Variants in LYRM4 observed in about 807,000 individuals in gnomAD.
The protein encoded by LYRM4 is LYR motif-containing protein 4.
In LYRM4, 9 loss-of-function variants were observed where a neutral mutation model predicts 11.7. The observed-to-expected ratio is 0.77, with a 90% CI of 0.46 to 1.34. The LOEUF is 1.34. LYRM4 is among the 40% of genes most tolerant of loss of function. LYRM4 has a pLI of 0.00. For synonymous variants in LYRM4, 42 were observed against 40.4 expected, an observed-to-expected ratio of 1.04 and a Z score of -0.15; for missense variants, 133 against 112.5, an observed-to-expected ratio of 1.18 and a Z score of -0.82.
the LYRM4 span, among the ~76,000 whole-genome samples, chr6:5,089,672 G>A: frequency 6.6e-6 from 1 of 152,178 alleles, no homozygotes; most frequent in South Asian, 2.1e-4. Context: ...ATAATATAAT[G>A]AGCATCCAGT....
At chr6:5,224,488 T>C (rs756462434) in intron 1 of LYRM4, among the ~76,000 whole-genome samples, 8 of 152,222 alleles carry the variant, frequency 5.3e-5, no homozygotes, top group Non-Finnish European at 1.0e-4. Flanking sequence ...CTGATGTTCT[T>C]AATATTTTAC....
At chr6:5,093,131 C>T in the LYRM4 span, among the ~76,000 whole-genome samples, 3 of 152,322 alleles carry the variant, frequency 2.0e-5, no homozygotes, top group African/African-American at 7.2e-5. Flanking sequence ...AAAAACCCCA[C>T]CTGAACTAGA....
chr6:5,032,216 T>C, the LYRM4 span: 6 of 152,344 alleles, frequency 3.9e-5, no homozygotes, highest in Admixed American at 1.3e-4. Flanking sequence ...TCTAGTTTCA[T>C]TGAGGGAAAC....
chr6:5,059,794 A>T, the LYRM4 span, among the ~76,000 whole-genome samples: 5 of 149,560 alleles, frequency 3.3e-5, no homozygotes, highest in Non-Finnish European at 7.4e-5. Context: ...TTCTCCTGTT[A>T]ATCTGCCTTT....
chr6:5,254,185 T>C (rs1196714112), intron 1 of LYRM4, among the ~76,000 whole-genome samples: 1 of 152,236 alleles, frequency 6.6e-6, no homozygotes, highest in African/African-American at 2.4e-5. Context: ...GTCTCCATAA[T>C]GACCCTTGAC....
chr6:5,178,886 T>C (rs559885966), intron 2 of LYRM4, among the ~76,000 whole-genome samples: 1 of 149,818 alleles, frequency 6.7e-6, no homozygotes, highest in African/African-American at 2.4e-5. Flanking sequence ...TACAGTGAGT[T>C]CCTTTTAAGG....
chr6:5,248,674 C>T (rs866323928), intron 1 of LYRM4, among the ~76,000 whole-genome samples: 1 of 152,276 alleles, frequency 6.6e-6, no homozygotes, highest in Admixed American at 6.5e-5. Context: ...CCACTGCTTT[C>T]TTCAGCTCCG....
intron 1 of LYRM4, among the ~76,000 whole-genome samples, chr6:5,217,045 T>C (rs962965050): frequency 1.3e-5 from 2 of 152,226 alleles, no homozygotes; most frequent in East Asian, 1.9e-4. Flanking sequence ...ACATGGATAA[T>C]TGAACCTTTA....
chr6:5,204,136 C>T (rs1287095282), intron 2 of LYRM4, among the ~76,000 whole-genome samples: 1 of 152,172 alleles, frequency 6.6e-6, no homozygotes, highest in East Asian at 1.9e-4. Context: ...ATAGCCAGGA[C>T]TTGAAACCAC....
At chr6:5,085,420 G>A in the LYRM4 span, 13 of 1,211,774 alleles carry the variant, frequency 1.1e-5, no homozygotes, top group South Asian at 1.5e-5. Flanking sequence ...TCCACGGCCC[G>A]AGGAGTTAGT....
At chr6:5,222,250 A>G (rs889413810) in intron 1 of LYRM4, among the ~76,000 whole-genome samples, 3 of 152,246 alleles carry the variant, frequency 2.0e-5, no homozygotes, top group African/African-American at 7.2e-5. Context: ...ATCATAGGCA[A>G]TATCAAAAAG....
intron 2 of LYRM4, among the ~76,000 whole-genome samples, chr6:5,162,387 C>A (rs1298374750): frequency 6.6e-6 from 1 of 152,194 alleles, no homozygotes; most frequent in Non-Finnish European, 1.5e-5. Context: ...TCATATGTCC[C>A]TTCAGTGTTT....
In LYRM4 at chr6:5,260,643, G is replaced by A; in HGVS notation, c.86+5C>T. The A allele has an allele frequency of 6.5e-7, 1 of 1,536,790 alleles. No homozygotes were observed. Among genetic ancestry groups the A allele is most frequent in the Non-Finnish European group, 8.7e-7 (1 of 1,145,796 alleles). On this transcript the variant is annotated splice_donor_5th_base_variant and intron_variant, in intron 1 of 2. Coordinates refer to ENST00000330636, the MANE Select transcript of LYRM4 (RefSeq NM_020408.6). ...GCCCCCGGCCCCCGGTGCCCGCTGGGTCACCTGTAATTGTAGGCGCTGAAA... is the reference window on the plus strand; with the variant it reads ...GCCCCCGGCCCCCGGTGCCCGCTGGATCACCTGTAATTGTAGGCGCTGAAA...
chr6:5,066,950 C>A, the LYRM4 span: 2 of 1,079,890 alleles, frequency 1.9e-6, no homozygotes, highest in Middle Eastern at 2.3e-4. Flanking sequence ...AGAGCCTCAG[C>A]CGAGGAGGAA....
At chr6:5,085,701 G>C in the LYRM4 span, 1 of 1,547,658 alleles carries the variant, frequency 6.5e-7, no homozygotes, top group South Asian at 1.2e-5. Context: ...AGCAGGAGGA[G>C]CTGCTGGAAT....
the LYRM4 span, among the ~76,000 whole-genome samples, chr6:5,035,037 G>A: frequency 1.3e-5 from 2 of 151,998 alleles, no homozygotes; most frequent in African/African-American, 2.4e-5. Context: ...AGACCTGCGT[G>A]TTCTACTAGG....
At chr6:5,154,315 A>G (rs1479153416) in intron 2 of LYRM4, among the ~76,000 whole-genome samples, 1 of 152,238 alleles carries the variant, frequency 6.6e-6, no homozygotes, top group Non-Finnish European at 1.5e-5. Flanking sequence ...TAACACCTGC[A>G]AACTGTGTCT....
intron 2 of LYRM4, among the ~76,000 whole-genome samples, chr6:5,119,791 T>TA (rs1763327192): frequency 2.2e-4 from 1 of 4,582 alleles, no homozygotes. Flanking sequence ...TCTGTCTCCA[T>TA]AACAAAAAAA....
intron 2 of LYRM4, chr6:5,187,113 G>A (rs1201526980): frequency 1.3e-6 from 1 of 748,378 alleles, no homozygotes; most frequent in African/African-American, 1.9e-5. Context: ...GAAAAGAAAT[G>A]CACATGCTAA....
Sources: allele counts gnomAD v4.1 joint callset (sites outside exome capture counted in the v4.1 genomes callset), GRCh38; gene constraint gnomAD v4.1.1; transcripts MANE v1.5; gene names NCBI Gene and HGNC (gene_info 2026-07-23, HGNC 2026-07-21).